Variants in NRG1 observed in about 807,000 individuals in gnomAD.
NRG1 encodes the protein pro-neuregulin-1, membrane-bound isoform.
A neutral mutation model predicts 63.8 loss-of-function variants in NRG1; 18 were observed. That is an observed-to-expected ratio of 0.28 (90% CI 0.19 to 0.42). The LOEUF (loss-of-function observed/expected upper bound fraction) is 0.42, where lower values mean the gene tolerates loss of function less well. Among genes scored for constraint, NRG1 ranks in the 10% least tolerant of loss-of-function variants. NRG1 has a pLI of 1.00. For missense variants in NRG1, 762 were observed against 814.7 expected (o/e 0.94, Z 0.79); for synonymous variants, 302 against 301.3 (o/e 1.00, Z -0.02).
intron 1 of NRG1, among the ~76,000 whole-genome samples, chr8:32,013,335 A>G (rs1815034100): frequency 6.6e-6 from 1 of 152,114 alleles, no homozygotes; most frequent in South Asian, 2.1e-4. Context: ...GACCAACCCT[A>G]TACCCACTGG....
At chr8:31,767,955 G>A (rs965463218) in intron 1 of NRG1, among the ~76,000 whole-genome samples, 8 of 151,718 alleles carry the variant, frequency 5.3e-5, no homozygotes, top group Non-Finnish European at 7.4e-5. Flanking sequence ...TCCAACATCG[G>A]TCAAATTCCT....
intron 11 of NRG1, chr8:32,763,101 T>G: frequency 9.4e-7 from 1 of 1,067,678 alleles, no homozygotes; most frequent in Non-Finnish European, 1.4e-6. Flanking sequence ...CTGGGATGGA[T>G]AGTTCCAAAT....
At chr8:32,029,630 T>A (rs1586595835) in intron 1 of NRG1, 1 of 152,240 alleles carries the variant, frequency 6.6e-6, no homozygotes, top group Non-Finnish European at 1.5e-5. Flanking sequence ...TAATTTAAGC[T>A]TTCAAATTGT....
intron 1 of NRG1, among the ~76,000 whole-genome samples, chr8:32,333,281 C>T (rs79435366): frequency 0.096 from 14,584 of 152,146 alleles, 698 homozygotes; most frequent in Middle Eastern, 0.14. Context: ...ACTCAGCAGT[C>T]ACCCCATGTC....
intron 1 of NRG1, among the ~76,000 whole-genome samples, chr8:31,866,588 C>T (rs1264407873): frequency 6.6e-6 from 1 of 152,054 alleles, no homozygotes; most frequent in Admixed American, 6.6e-5. Context: ...GTTGAAAATT[C>T]TCCTATAATA....
intron 1 of NRG1, among the ~76,000 whole-genome samples, chr8:32,264,956 G>T (rs1255892128): frequency 6.6e-6 from 1 of 152,088 alleles, no homozygotes; most frequent in Non-Finnish European, 1.5e-5. Flanking sequence ...GTGGTCAAAG[G>T]AACAAACCCA....
intron 1 of NRG1, among the ~76,000 whole-genome samples, chr8:32,055,563 TA>T (rs764173702): frequency 7.9e-5 from 12 of 152,144 alleles, no homozygotes; most frequent in Non-Finnish European, 1.8e-4. Context: ...AACCTAAAGT[TA>T]CTATAATGAC....
rs1811847093 is a variant in NRG1, at chr8:31,995,633, G to T, written c.37+356202G>T. 2.6e-5 allele frequency among the ~76,000 whole-genome samples: 4 copies of T among 151,824 alleles called. No homozygotes were observed. The South Asian group carries it at 8.3e-4, about 32-fold the overall frequency. On this transcript the variant is annotated intron_variant, in intron 1 of 10. Coordinates refer to the NRG1 transcript ENST00000519301. Reference sequence around the variant, plus strand: ...TGTCTGATCGTTGGGCGGGGAGGGGGCTTTAAGGTTCTAATTTTTGTATGT... The same window carrying T: ...TGTCTGATCGTTGGGCGGGGAGGGGTCTTTAAGGTTCTAATTTTTGTATGT...
At chr8:32,733,013 G>A (rs1824120537) in intron 6 of NRG1, among the ~76,000 whole-genome samples, 1 of 151,792 alleles carries the variant, frequency 6.6e-6, no homozygotes, top group Admixed American at 6.6e-5. Flanking sequence ...CACCACGTTG[G>A]TCAGGCTGGC....
rs1445632836 is a variant in NRG1 at position 32,725,851 on chromosome 8, A to C, written c.503-2098A>C. On this transcript the variant is annotated intron_variant, in intron 5 of 11. Transcript: ENST00000356819. ...AGCACCTAAATAAGTAGTTTTTTAC[A>C]TGAAAGGATATTATGTTAAGATTAT... is the stretch of plus-strand genomic sequence containing the variant. Among the ~76,000 whole-genome samples the C allele has an allele frequency of 2.6e-5, 4 of 152,276 alleles. No homozygotes were observed. The East Asian group carries it at 7.7e-4, about 29-fold the overall frequency.
chr8:32,728,314 T>A (rs1822778824), intron 6 of NRG1: 1 of 983,870 alleles, frequency 1.0e-6, no homozygotes, highest in African/African-American at 1.7e-5. Flanking sequence ...TTTTTGTTTT[T>A]GTTTTTTGCC....
chr8:32,321,427 G>A (rs908102486), intron 1 of NRG1, among the ~76,000 whole-genome samples: 6 of 149,924 alleles, frequency 4.0e-5, no homozygotes, highest in Admixed American at 1.3e-4. Context: ...TGGTCTTGTC[G>A]ACATCTCTTT....
At chr8:32,368,393 A>C (rs533686897) in intron 1 of NRG1, among the ~76,000 whole-genome samples, 6 of 151,790 alleles carry the variant, frequency 4.0e-5, no homozygotes, top group African/African-American at 1.2e-4. Context: ...AGATAGCAAG[A>C]CCCTGTCTCT....
At chr8:32,323,703 C>T (rs552020302) in intron 1 of NRG1, among the ~76,000 whole-genome samples, 1 of 152,326 alleles carries the variant, frequency 6.6e-6, no homozygotes, top group Non-Finnish European at 1.5e-5. Flanking sequence ...TCCTCTTTTT[C>T]TCCTTTAGCT....
intron 1 of NRG1, among the ~76,000 whole-genome samples, chr8:32,270,451 A>G (rs979161910): frequency 1.3e-5 from 2 of 152,232 alleles, no homozygotes; most frequent in Non-Finnish European, 1.5e-5. Flanking sequence ...AAAGTGAAAT[A>G]AAAAGTAAAT....
intron 1 of NRG1, among the ~76,000 whole-genome samples, chr8:32,396,399 C>T (rs906089735): frequency 3.3e-5 from 5 of 152,158 alleles, no homozygotes; most frequent in African/African-American, 1.2e-4. Flanking sequence ...TTGTTTTTCA[C>T]ATAGAGATCT....
chr8:32,022,535 G>A (rs1816616482), intron 1 of NRG1, among the ~76,000 whole-genome samples: 1 of 152,060 alleles, frequency 6.6e-6, no homozygotes, highest in Non-Finnish European at 1.5e-5. Context: ...CAAATTACAA[G>A]ACATGCAACT....
intron 1 of NRG1, among the ~76,000 whole-genome samples, chr8:31,972,188 A>C (rs1807402124): frequency 6.6e-6 from 1 of 151,958 alleles, no homozygotes; most frequent in African/African-American, 2.4e-5. Context: ...GCTGCTCACA[A>C]TTTACCCCTC....
intron 1 of NRG1, among the ~76,000 whole-genome samples, chr8:32,327,003 T>C (rs1210227836): frequency 6.6e-6 from 1 of 152,198 alleles, no homozygotes; most frequent in East Asian, 1.9e-4. Flanking sequence ...AAAGAGGTCT[T>C]GGAAATTCTG....
Sources: allele counts gnomAD v4.1 joint callset (sites outside exome capture counted in the v4.1 genomes callset), GRCh38; gene constraint gnomAD v4.1.1; transcripts MANE v1.5; gene names NCBI Gene and HGNC (gene_info 2026-07-23, HGNC 2026-07-21).